SMAD4: variants seen among roughly 807,000 people sequenced by gnomAD.
SMAD4 encodes the protein MAD homolog 4.
Under a neutral mutation model 63.2 loss-of-function variants are expected in SMAD4, and 7 were observed. The observed-to-expected ratio is 0.11, with a 90% CI of 0.06 to 0.21. The LOEUF (loss-of-function observed/expected upper bound fraction) is 0.21. Ranked by LOEUF, SMAD4 falls within the 10% of genes least tolerant of loss-of-function variation. The pLI is 1.00. For missense variants in SMAD4, 312 were observed against 693.8 expected (o/e 0.45, Z 6.18); for synonymous variants, 215 against 235.4 (o/e 0.91, Z 0.79).
intron 11 of SMAD4, among the ~76,000 whole-genome samples, 182 bp from the exon 12 acceptor site, chr18:51,078,074 C>T (rs1910514029): frequency 6.6e-6 from 1 of 152,152 alleles, no homozygotes; most frequent in Admixed American, 6.5e-5. Flanking sequence ...GTTCCTTAAC[C>T]AAAAGTGTGC....
chr18:51,071,514 T>C (rs908472175), intron 10 of SMAD4, among the ~76,000 whole-genome samples: 3 of 152,248 alleles, frequency 2.0e-5, no homozygotes, highest in Admixed American at 6.5e-5. Context: ...AATGTTTGAA[T>C]TCTCTTTAAG....
chr18:51,050,402 G>A (rs1368847244), intron 4 of SMAD4, among the ~76,000 whole-genome samples: 1 of 151,476 alleles, frequency 6.6e-6, no homozygotes, highest in East Asian at 1.9e-4. Flanking sequence ...GCTCACTCCT[G>A]TAATCGCAGC....
Position 51,084,525 on chromosome 18 carries a change from T to A in SMAD4, c.*6058T>A, listed in dbSNP as rs1030376089. ...GGGTTGAGGGTGGGGGGTTGGGGAG[T>A]CCTGGTAGAGGCCAGCTTTGTGGTA... On this transcript the variant is annotated 3_prime_UTR_variant, in exon 12 of 12. Coordinates refer to ENST00000342988, the MANE Select transcript of SMAD4 (RefSeq NM_005359.6). The A allele has an allele frequency of 4.4e-5, 10 of 225,586 alleles. No homozygotes were observed. Among genetic ancestry groups the A allele is most frequent in the African/African-American group, 2.0e-4 (9 of 44,400 alleles). The allele number at this position is 225,586 out of a possible 1,614,324, so 14.0% of individuals were successfully genotyped here. A position where few individuals can be genotyped will look rare whatever the true frequency, so the allele number is the denominator to read the frequency against.
intron 9 of SMAD4, chr18:51,066,813 T>TA: frequency 1.8e-6 from 1 of 542,224 alleles, no homozygotes; most frequent in South Asian, 2.1e-5. Flanking sequence ...TCCTGACACA[T>TA]AGTAAGTGTT....
chr18:51,074,255 C>G (rs904810102), intron 10 of SMAD4, among the ~76,000 whole-genome samples: 32 of 151,336 alleles, frequency 2.1e-4, no homozygotes, highest in Non-Finnish European at 4.0e-4. Flanking sequence ...GTGGCATGTG[C>G]CTGTAGTCCT....
intron 10 of SMAD4, 53 bp downstream of exon 10, chr18:51,067,240 A>G (rs2144453254): frequency 1.0e-6 from 1 of 991,498 alleles, no homozygotes; most frequent in Non-Finnish European, 1.6e-6. Context: ...ATTTGTTGTC[A>G]AAAGAATTGA....
At chr18:51,053,821 A>G (rs1909771411) in intron 4 of SMAD4, 1 of 152,190 alleles carries the variant, frequency 6.6e-6, no homozygotes, top group Non-Finnish European at 1.5e-5. Flanking sequence ...GACTGCTTTA[A>G]GAAGAGAACC....
At chr18:51,031,848 A>G (rs1442406026) in intron 1 of SMAD4, among the ~76,000 whole-genome samples, 1 of 152,198 alleles carries the variant, frequency 6.6e-6, no homozygotes, top group African/African-American at 2.4e-5. Flanking sequence ...AGACTAGATA[A>G]TATATATTTC....
intron 11 of SMAD4, among the ~76,000 whole-genome samples, chr18:51,077,640 A>G (rs1241993461): frequency 4.6e-5 from 7 of 152,138 alleles, no homozygotes; most frequent in African/African-American, 1.7e-4. Flanking sequence ...AGAGAATTTG[A>G]TTTTTTAAAA....
intron 1 of SMAD4, among the ~76,000 whole-genome samples, chr18:51,036,928 G>A (rs145105387): frequency 1.2e-3 from 177 of 152,274 alleles, no homozygotes; most frequent in African/African-American, 4.2e-3. Flanking sequence ...GAGGCCAAGG[G>A]GGGTGCGGAT....
At position 51,046,911 on chromosome 18, in the gene SMAD4, C is replaced by A; in HGVS notation, c.-127-9C>A. The A allele has an allele frequency of 6.5e-6, 4 of 618,660 alleles. No individual in the cohort carries two copies. Among genetic ancestry groups the A allele is most frequent in the Non-Finnish European group, 1.1e-5 (4 of 374,624 alleles). 38.3% of individuals were successfully genotyped at this position (618,660 alleles called of 1,614,324 possible). On this transcript the variant is annotated splice_polypyrimidine_tract_variant and intron_variant, in intron 1 of 11. Transcript: ENST00000342988. The stretch of plus-strand genomic sequence containing the variant: ...TCTGATGTGTGTCTTTTTTTTTTTT[C>A]TTTTTTAGGTTATCCTGAATACATG...
Position 51,081,608 on chromosome 18 carries a change from A to C in SMAD4, c.*3141A>C. On this transcript the variant is annotated 3_prime_UTR_variant, in exon 12 of 12. Coordinates refer to ENST00000342988, the MANE Select transcript of SMAD4 (RefSeq NM_005359.6). Reference sequence around the variant, plus strand: ...GCTTAAGGAGAGCCATACTTGAGACATGTGAGTAAACTGAACTCATATTAG... The same window carrying C: ...GCTTAAGGAGAGCCATACTTGAGACCTGTGAGTAAACTGAACTCATATTAG... 1 of 232,646 alleles carries C rather than the reference A, an allele frequency of 4.3e-6. No individual in the cohort carries two copies. Among genetic ancestry groups the C allele is most frequent in the Non-Finnish European group, 8.5e-6 (1 of 117,750 alleles). 14.4% of individuals were successfully genotyped at this position (232,646 alleles called of 1,614,324 possible). A position where few individuals can be genotyped will look rare whatever the true frequency, so the allele number is the denominator to read the frequency against.
rs778576111 is a variant in SMAD4, at chr18:51,054,845, C to T, written c.519C>T (p.Ser173=). Residue 173 remains serine (S), a synonymous_variant, in exon 5 of 12, where the codon TCC becomes TCT. Coordinates refer to ENST00000342988, the MANE Select transcript of SMAD4 (RefSeq NM_005359.6). ...ACTTTGAGGGACAGCCATCGTTGTC[C>T]ACTGAAGGACATTCAATTCAAACCA... ...VHDFEGQPSL[S]TEGHSIQTIQ... 1.2e-6 allele frequency: 2 copies of T among 1,613,860 alleles called. No homozygotes were observed. Among genetic ancestry groups the T allele is most frequent in the African/African-American group, 1.3e-5 (1 of 74,896 alleles).
At chr18:51,066,988 G>C (rs2144451485) in intron 9 of SMAD4, 31 bp from the exon 10 acceptor site, 1 of 1,540,864 alleles carries the variant, frequency 6.5e-7, no homozygotes, top group Non-Finnish European at 9.0e-7. Context: ...TACTTATCAA[G>C]ATAAAATGTA....
intron 5 of SMAD4, among the ~76,000 whole-genome samples, chr18:51,057,895 A>G (rs541551587): frequency 6.6e-6 from 1 of 152,350 alleles, no homozygotes; most frequent in East Asian, 1.9e-4. Flanking sequence ...ATAAGCCACT[A>G]CAATTAGTTA....
Position 51,078,481 on chromosome 18 carries a change from T to C in SMAD4, c.*14T>C, listed in dbSNP as rs989027869. On this transcript the variant is annotated 3_prime_UTR_variant, in exon 12 of 12. Transcript: ENST00000342988. ...CCTTTAGACTGAGGTCTTTTACCGT[T>C]GGGGCCCTTAACCTTATCAGGATGG... 1.3e-6 allele frequency: 2 copies of C among 1,584,652 alleles called. No individual in the cohort carries two copies. The highest frequency in any genetic ancestry group is 1.7e-6 in the Non-Finnish European group (2 of 1,153,660).
rs1910564750 is a variant in SMAD4, at chr18:51,079,812, T to G, written c.*1345T>G. On this transcript the variant is annotated 3_prime_UTR_variant, in exon 12 of 12. Coordinates refer to ENST00000342988, the MANE Select transcript of SMAD4 (RefSeq NM_005359.6). Reference sequence around the variant, plus strand: ...ATTCTAGGTTTGATTTTTAAGATTTTTTTTTTCTTTTGCACTTTTGAGTCC... The same window carrying G: ...ATTCTAGGTTTGATTTTTAAGATTTGTTTTTTCTTTTGCACTTTTGAGTCC... 4.3e-6 allele frequency: 1 copy of G among 232,728 alleles called. No homozygotes were observed. Among genetic ancestry groups the G allele is most frequent in the Non-Finnish European group, 8.5e-6 (1 of 117,756 alleles). 14.4% of individuals were successfully genotyped at this position (232,728 alleles called of 1,614,324 possible). A position where few individuals can be genotyped will look rare whatever the true frequency, so the allele number is the denominator to read the frequency against.
chr18:51,059,736 G>T (rs1170749647), intron 7 of SMAD4, 130 bp from the exon 8 acceptor site: 3 of 710,810 alleles, frequency 4.2e-6, no homozygotes, highest in Non-Finnish European at 7.6e-6. Context: ...TAAGTTCTTA[G>T]ACATTGCATA....
At chr18:51,073,992 AAAG>A (rs1342686521) in intron 10 of SMAD4, among the ~76,000 whole-genome samples, 3 of 152,160 alleles carry the variant, frequency 2.0e-5, no homozygotes, top group African/African-American at 7.2e-5. Flanking sequence ...AATATTTGCA[AAAG>A]ACACATCTAG....
Sources: gnomAD v4.1 joint callset for allele counts (sites outside exome capture counted in the v4.1 genomes callset) on GRCh38, gnomAD v4.1.1 for gene constraint, MANE v1.5 for transcripts, NCBI Gene and HGNC (gene_info 2026-07-23, HGNC 2026-07-21) for gene names.